Variants in PDS5A observed in about 807,000 individuals in gnomAD.
PDS5A encodes PDS5 cohesin associated factor A.
A neutral mutation model predicts 167.1 loss-of-function variants in PDS5A; 42 were observed. The observed-to-expected ratio is 0.25, with a 90% confidence interval of 0.20 to 0.33. PDS5A has a LOEUF of 0.33. PDS5A is among the 10% of genes least tolerant of loss of function. The pLI, the probability that PDS5A is intolerant of heterozygous loss-of-function variation, is 1.00. For missense variants in PDS5A, 1,033 were observed against 1,605.9 expected (o/e 0.64, Z 6.10); for synonymous variants, 553 against 554.6 (o/e 1.00, Z 0.04).
chr4:39,881,331 T>C (rs1417083523), intron 17 of PDS5A, among the ~76,000 whole-genome samples: 1 of 152,040 alleles, frequency 6.6e-6, no homozygotes. Flanking sequence ...TGCTGGATCA[T>C]ATGGTAGTTG....
intron 12 of PDS5A, among the ~76,000 whole-genome samples, chr4:39,902,788 G>A (rs910770164): frequency 1.3e-5 from 2 of 152,118 alleles, no homozygotes; most frequent in African/African-American, 4.8e-5. Context: ...GTCCTGAAGT[G>A]CTGGGATTAC....
intron 29 of PDS5A, 110 bp downstream of exon 29, chr4:39,845,708 C>A: frequency 1.7e-6 from 2 of 1,150,588 alleles, no homozygotes; most frequent in South Asian, 3.0e-5. Flanking sequence ...AATGTGATCC[C>A]TAAGAATCAG....
At chr4:39,967,938 C>CA (rs569536405) in intron 2 of PDS5A, among the ~76,000 whole-genome samples, 14 of 151,400 alleles carry the variant, frequency 9.2e-5, no homozygotes, top group African/African-American at 2.9e-4. Flanking sequence ...AACAAACAAA[C>CA]AAAAAAAACA....
At position 39,825,139 on chromosome 4, in the gene PDS5A, G is replaced by A. The variant is rs1715176188; in HGVS notation, c.*346C>T. The stretch of plus-strand genomic sequence containing the variant: ...TTCTTTAAAATAAAAACTGCAGCGT[G>A]GAAATTAATGGTGTATTACGCATTT... On this transcript the variant is annotated 3_prime_UTR_variant, in exon 33 of 33. Transcript: ENST00000303538. 1 of 218,724 alleles carries A rather than the reference G, an allele frequency of 4.6e-6. No homozygotes were observed. Among genetic ancestry groups the A allele is most frequent in the Non-Finnish European group, 8.9e-6 (1 of 112,100 alleles). 13.5% of individuals were successfully genotyped at this position (218,724 alleles called of 1,614,324 possible).
At chr4:39,936,354 A>G (rs986346815) in intron 2 of PDS5A, among the ~76,000 whole-genome samples, 1 of 152,134 alleles carries the variant, frequency 6.6e-6, no homozygotes, top group Admixed American at 6.6e-5. Context: ...GACCAGCTAT[A>G]AATTTCAGGT....
chr4:39,969,419 C>A (rs1730291589), intron 2 of PDS5A, among the ~76,000 whole-genome samples: 2 of 152,168 alleles, frequency 1.3e-5, no homozygotes, highest in Admixed American at 1.3e-4. Context: ...CTAATCCCAG[C>A]ACTTTGGGAG....
At chr4:39,928,234 A>T (rs566187988) in intron 2 of PDS5A, 70 bp from the exon 3 acceptor site, 75 of 305,630 alleles carry the variant, frequency 2.5e-4, no homozygotes, top group South Asian at 8.8e-4. Flanking sequence ...GATGTGATTT[A>T]AAAAAAAAAA....
intron 2 of PDS5A, among the ~76,000 whole-genome samples, chr4:39,930,246 A>AAAATTTTTTTTTT: frequency 4.3e-5 from 4 of 93,086 alleles, no homozygotes; most frequent in Non-Finnish European, 9.0e-5. Flanking sequence ...AAAAAAAAAA[A>AAAATTTTTTTTTT]GTTTTTTTGT....
At chr4:39,843,756 CTTATA>C (rs1272052633) in intron 30 of PDS5A, among the ~76,000 whole-genome samples, 1 of 151,874 alleles carries the variant, frequency 6.6e-6, no homozygotes, top group Admixed American at 6.6e-5. Flanking sequence ...ATTATTAACT[CTTATA>C]TTATTTTCTG....
rs578211023 is a variant in PDS5A at position 39,849,605 on chromosome 4, T to C, written c.3134A>G (p.Asn1045Ser). 1.9e-6 allele frequency: 3 copies of C among 1,609,982 alleles called. No individual in the cohort carries two copies. Among genetic ancestry groups the C allele is most frequent in the African/African-American group, 2.7e-5 (2 of 74,980 alleles). The change falls in exon 27 of 33, where the codon AAT (asparagine) becomes AGT (serine). Residue 1045 changes from asparagine (N) to serine (S), a missense_variant. Coordinates refer to ENST00000303538, the MANE Select transcript of PDS5A (RefSeq NM_001100399.2). ...LEVLMTKNEN[N>S]SHAFMKKMAE... Reference sequence around the variant, plus strand: ...CATCTTCTTCATAAAGGCATGGCTATTGTTTTCATTCTTTGTCATTAAAAC... The same window carrying C: ...CATCTTCTTCATAAAGGCATGGCTACTGTTTTCATTCTTTGTCATTAAAAC...
intron 2 of PDS5A, 92 bp downstream of exon 2, chr4:39,976,348 T>G (rs759115413): frequency 5.6e-6 from 6 of 1,078,216 alleles, no homozygotes; most frequent in Admixed American, 2.2e-5. Flanking sequence ...TCTAAAAAAC[T>G]TGGAACTTTA....
chr4:39,875,423 A>T (rs1374754447), intron 19 of PDS5A, among the ~76,000 whole-genome samples: 1 of 152,158 alleles, frequency 6.6e-6, no homozygotes, highest in African/African-American at 2.4e-5. Flanking sequence ...GATAAAACGA[A>T]ACAAACATTT....
intron 2 of PDS5A, among the ~76,000 whole-genome samples, chr4:39,966,563 T>G (rs1220669468): frequency 1.3e-5 from 2 of 152,232 alleles, no homozygotes; most frequent in Non-Finnish European, 2.9e-5. Flanking sequence ...AAAACCCTAC[T>G]TAATTTTTCG....
intron 21 of PDS5A, among the ~76,000 whole-genome samples, chr4:39,870,793 G>A (rs1719962978): frequency 6.6e-6 from 1 of 151,860 alleles, no homozygotes; most frequent in Admixed American, 6.6e-5. Flanking sequence ...TTTTAAAAAG[G>A]AAAATGACAT....
intron 2 of PDS5A, among the ~76,000 whole-genome samples, chr4:39,950,305 T>C (rs769575173): frequency 3.5e-4 from 53 of 152,066 alleles, no homozygotes; most frequent in Non-Finnish European, 2.1e-4. Context: ...GTCTCACCTA[T>C]AATCCCAGCT....
At chr4:39,938,479 G>A (rs1433882773) in intron 2 of PDS5A, among the ~76,000 whole-genome samples, 2 of 150,778 alleles carry the variant, frequency 1.3e-5, no homozygotes, top group Non-Finnish European at 3.0e-5. Flanking sequence ...CACTTGAACC[G>A]GGAGGCGGAG....
At chr4:39,952,228 G>A (rs1187463108) in intron 2 of PDS5A, among the ~76,000 whole-genome samples, 1 of 152,200 alleles carries the variant, frequency 6.6e-6, no homozygotes, top group Non-Finnish European at 1.5e-5. Flanking sequence ...CTACTCAGGA[G>A]GCCGAGGCAG....
chr4:39,850,051 T>A (rs1361042529), intron 26 of PDS5A, among the ~76,000 whole-genome samples: 3 of 151,896 alleles, frequency 2.0e-5, no homozygotes, highest in South Asian at 2.1e-4. Context: ...GGTGGGCAGA[T>A]CAAGAGGTCA....
In PDS5A at chr4:39,943,637, A is replaced by T. The variant is rs917794846; in HGVS notation, c.139-15473T>A. 3.5e-3 allele frequency among the ~76,000 whole-genome samples: 523 copies of T among 151,074 alleles called. 4 individuals are homozygous for T. The highest frequency in any genetic ancestry group is 0.012 in the African/African-American group (477 of 41,214). On this transcript the variant is annotated intron_variant, in intron 2 of 32. Transcript: ENST00000303538. ...CGTTTCTACAAAAAAAAAAAAAAAA[A>T]AAATACAAAAAATACAAAAATTAGC...
Sources: allele counts gnomAD v4.1 joint callset (sites outside exome capture counted in the v4.1 genomes callset), GRCh38; gene constraint gnomAD v4.1.1; transcripts MANE v1.5; gene names NCBI Gene and HGNC (gene_info 2026-07-23, HGNC 2026-07-21).